CAMK2D: variants seen among roughly 807,000 people sequenced by gnomAD.
CAMK2D encodes calcium/calmodulin dependent protein kinase II delta, also known as calcium/calmodulin-dependent protein kinase type II subunit delta.
A neutral mutation model predicts 84.0 loss-of-function variants in CAMK2D; 37 were observed. The observed-to-expected ratio is 0.44, with a 90% CI of 0.34 to 0.58. The LOEUF (loss-of-function observed/expected upper bound fraction) is 0.58, where lower values mean the gene tolerates loss of function less well. CAMK2D is among the 20% of genes least tolerant of loss of function. The pLI is 0.02. For synonymous variants in CAMK2D, 202 were observed against 212.5 expected (o/e 0.95, Z 0.43); for missense variants, 448 against 652.5 (o/e 0.69, Z 3.41).
intron 4 of CAMK2D, among the ~76,000 whole-genome samples, chr4:113,576,713 T>C (rs537038963): frequency 6.6e-6 from 1 of 152,274 alleles, no homozygotes; most frequent in South Asian, 2.1e-4. Flanking sequence ...AAGATCACTT[T>C]AAATTTTTTT....
chr4:113,454,505 T>A lies in CAMK2D; in HGVS notation c.*40A>T, dbSNP rs752358334. On this transcript the variant is annotated 3_prime_UTR_variant, in exon 21 of 21. Coordinates refer to ENST00000511664, the MANE Select transcript of CAMK2D (RefSeq NM_001321571.2). ...AACAGAGAATGCAGAAGTGGCACTG[T>A]TGAAATTTAGCTGAAAGGAGAAAGG... 2.3e-5 allele frequency: 18 copies of A among 778,994 alleles called. No individual in the cohort carries two copies. The highest frequency in any genetic ancestry group is 3.8e-5 in the Non-Finnish European group (16 of 416,806). 48.3% of individuals were successfully genotyped at this position (778,994 alleles called of 1,614,324 possible). A position where few individuals can be genotyped will look rare whatever the true frequency, so the allele number is the denominator to read the frequency against.
intron 6 of CAMK2D, 47 bp from the exon 7 acceptor site, chr4:113,537,490 T>A: frequency 8.8e-7 from 1 of 1,130,632 alleles, no homozygotes; most frequent in South Asian, 1.3e-5. Flanking sequence ...GAACCTATTT[T>A]AAGCGACTAT....
intron 16 of CAMK2D, among the ~76,000 whole-genome samples, chr4:113,488,916 G>A (rs942570181): frequency 6.6e-6 from 1 of 152,140 alleles, no homozygotes; most frequent in African/African-American, 2.4e-5. Context: ...AGCTAAACAA[G>A]CTTGAGGTTA....
intron 4 of CAMK2D, among the ~76,000 whole-genome samples, chr4:113,594,941 A>G (rs2098917240): frequency 6.6e-6 from 1 of 152,162 alleles, no homozygotes; most frequent in Non-Finnish European, 1.5e-5. Context: ...CAGCAATAAC[A>G]GTTTGACAGT....
chr4:113,727,774 C>G (rs530446376), intron 2 of CAMK2D, among the ~76,000 whole-genome samples: 1 of 152,010 alleles, frequency 6.6e-6, no homozygotes, highest in Non-Finnish European at 1.5e-5. Context: ...ATATCTGACA[C>G]GAATTTGTAT....
intron 4 of CAMK2D, among the ~76,000 whole-genome samples, chr4:113,552,491 C>T (rs1487979462): frequency 6.6e-6 from 1 of 152,156 alleles, no homozygotes; most frequent in African/African-American, 2.4e-5. Context: ...TATCCTTTTG[C>T]TATTTTTGCA....
chr4:113,596,680 C>T (rs74645757), intron 4 of CAMK2D, among the ~76,000 whole-genome samples: 2 of 152,008 alleles, frequency 1.3e-5, no homozygotes, highest in African/African-American at 4.8e-5. Flanking sequence ...TTTCTTCCCC[C>T]CCAGGCAGTA....
rs117896277 is a variant in CAMK2D at position 113,647,072 on chromosome 4, C to T, written c.220+14641G>A. ...GTTGTTACACCATAGTAACACATCA[C>T]TGATTCAGATTAATTGGGGAAAAGA... On this transcript the variant is annotated intron_variant, in intron 3 of 20. Transcript: ENST00000511664. Among the ~76,000 whole-genome samples the T allele has an allele frequency of 2.9e-3, 436 of 152,252 alleles. 11 individuals are homozygous for T. The East Asian group carries it at 0.037, about 13-fold the overall frequency.
At chr4:113,552,518 C>A (rs566492981) in intron 4 of CAMK2D, among the ~76,000 whole-genome samples, 2 of 152,260 alleles carry the variant, frequency 1.3e-5, no homozygotes, top group South Asian at 4.1e-4. Flanking sequence ...CATCCTTAAA[C>A]ATGTATTTTT....
At chr4:113,460,375 A>G (rs568816646) in intron 17 of CAMK2D, 134 bp from the exon 18 acceptor site, 4 of 669,662 alleles carry the variant, frequency 6.0e-6, no homozygotes, top group South Asian at 5.0e-5. Flanking sequence ...CAAAAGTTCT[A>G]TCATAAACCT....
chr4:113,512,532 G>A (rs753923041), intron 12 of CAMK2D, among the ~76,000 whole-genome samples: 1 of 152,090 alleles, frequency 6.6e-6, no homozygotes, highest in Non-Finnish European at 1.5e-5. Flanking sequence ...ACTTTTGAAT[G>A]AACTTAGGTC....
chr4:113,534,941 A>T (rs928589128), intron 7 of CAMK2D, among the ~76,000 whole-genome samples: 1 of 152,190 alleles, frequency 6.6e-6, no homozygotes, highest in Non-Finnish European at 1.5e-5. Context: ...CACTACACAT[A>T]GCCCTGCTCT....
chr4:113,709,746 GATATATATATATATATATATATATATAT>G (rs397995032), intron 2 of CAMK2D, among the ~76,000 whole-genome samples: 1 of 49,824 alleles, frequency 2.0e-5, no homozygotes, highest in Non-Finnish European at 3.5e-5. Flanking sequence ...AGCCGTGAAC[GATATATATATATATATATATATATATAT>G]ATATATATGA....
chr4:113,471,245 T>C lies in CAMK2D; in HGVS notation c.1136-5641A>G, dbSNP rs149433044. Among the ~76,000 whole-genome samples the C allele has an allele frequency of 5.7e-3, 861 of 152,324 alleles. 26 individuals are homozygous for C. The highest frequency in any genetic ancestry group is 0.05 in the Admixed American group (759 of 15,292). On this transcript the variant is annotated intron_variant, in intron 16 of 20. Transcript: ENST00000511664. ...ATCCTCCATGGATCATTCTTTTTCC[T>C]TAGCACTTCTGATGATGTTTCCCAG...
intron 4 of CAMK2D, among the ~76,000 whole-genome samples, chr4:113,572,896 C>G (rs116561278): frequency 6.6e-6 from 1 of 152,134 alleles, no homozygotes; most frequent in East Asian, 1.9e-4. Flanking sequence ...TTTGTGGGAA[C>G]ATGGATGGGG....
intron 2 of CAMK2D, among the ~76,000 whole-genome samples, chr4:113,683,756 C>G (rs532166481): frequency 6.6e-6 from 1 of 152,244 alleles, no homozygotes; most frequent in African/African-American, 2.4e-5. Flanking sequence ...CAAATGTGAG[C>G]AGGGAAAAAC....
intron 2 of CAMK2D, among the ~76,000 whole-genome samples, chr4:113,752,123 G>A (rs1213082789): frequency 1.3e-5 from 2 of 151,868 alleles, no homozygotes; most frequent in South Asian, 2.1e-4. Context: ...GAGATACAAA[G>A]GATAGGGATC....
At chr4:113,581,533 A>AAAGAAAG (rs1561130120) in intron 4 of CAMK2D, among the ~76,000 whole-genome samples, 2 of 140,260 alleles carry the variant, frequency 1.4e-5, no homozygotes, top group Non-Finnish European at 3.0e-5. Flanking sequence ...AAAAAAAAAA[A>AAAGAAAG]GAAAAGAAAA....
intron 2 of CAMK2D, among the ~76,000 whole-genome samples, chr4:113,717,428 C>G (rs72899816): frequency 0.047 from 7,139 of 152,042 alleles, 568 homozygotes; most frequent in African/African-American, 0.16. Flanking sequence ...CTCGTATAAT[C>G]AACTTTTATA....
Sources: allele counts gnomAD v4.1 joint callset (sites outside exome capture counted in the v4.1 genomes callset), GRCh38; gene constraint gnomAD v4.1.1; transcripts MANE v1.5; gene names NCBI Gene and HGNC (gene_info 2026-07-23, HGNC 2026-07-21).